Variants in KCNH7 observed in about 807,000 individuals in gnomAD.
The protein encoded by KCNH7 is voltage-gated inwardly rectifying potassium channel KCNH7.
A neutral mutation model predicts 120.8 loss-of-function variants in KCNH7; 49 were observed. The observed-to-expected ratio is 0.41, with a 90% CI of 0.32 to 0.51. The LOEUF (loss-of-function observed/expected upper bound fraction) is 0.51. KCNH7 is among the 20% of genes least tolerant of loss of function. The pLI is 0.38. For synonymous variants in KCNH7, 547 were observed against 516.1 expected (o/e 1.06, Z -0.81); for missense variants, 1,097 against 1,446.6 (o/e 0.76, Z 3.92).
chr2:162,660,408 G>C (rs574454528), intron 2 of KCNH7, among the ~76,000 whole-genome samples: 2 of 151,988 alleles, frequency 1.3e-5, no homozygotes, highest in African/African-American at 4.8e-5. Flanking sequence ...TCAAGTACTT[G>C]AGGATCTTTC....
intron 2 of KCNH7, among the ~76,000 whole-genome samples, chr2:162,748,975 C>CTTCCTTCA (rs1559114075): frequency 1.4e-5 from 2 of 138,304 alleles, no homozygotes; most frequent in East Asian, 5.3e-4. Flanking sequence ...TCCTTCCTTC[C>CTTCCTTCA]TTCCTTCCTT....
chr2:162,571,307 A>G lies in KCNH7; in HGVS notation c.308-34227T>C, dbSNP rs144282041. On this transcript the variant is annotated intron_variant, in intron 2 of 15. Coordinates refer to ENST00000332142, the MANE Select transcript of KCNH7 (RefSeq NM_033272.4). ...ACTCCCATTCACAATTGCTTCAAAG[A>G]GAATTAAATACCTGGGAATCCAACT... Among the ~76,000 whole-genome samples the G allele has an allele frequency of 5.7e-3, 863 of 152,300 alleles. 9 individuals carry two copies. Among genetic ancestry groups the G allele is most frequent in the African/African-American group, 0.02 (814 of 41,574 alleles).
intron 2 of KCNH7, among the ~76,000 whole-genome samples, chr2:162,818,141 T>A (rs1183476866): frequency 6.6e-6 from 1 of 151,982 alleles, no homozygotes; most frequent in Admixed American, 6.6e-5. Flanking sequence ...TATTTTTTAT[T>A]CTTATAGTTA....
intron 13 of KCNH7, among the ~76,000 whole-genome samples, chr2:162,382,609 G>A (rs1373164096): frequency 6.6e-6 from 1 of 152,030 alleles, no homozygotes; most frequent in Non-Finnish European, 1.5e-5. Context: ...TTTCATTTTA[G>A]TTTGGCCTAA....
At chr2:162,733,783 T>A (rs775483460) in intron 2 of KCNH7, among the ~76,000 whole-genome samples, 38 of 152,240 alleles carry the variant, frequency 2.5e-4, no homozygotes, top group Non-Finnish European at 5.3e-4. Flanking sequence ...AACCTGATTT[T>A]TTTTTAAGAA....
At chr2:162,681,531 G>A (rs1222967527) in intron 2 of KCNH7, among the ~76,000 whole-genome samples, 1 of 151,674 alleles carries the variant, frequency 6.6e-6, no homozygotes, top group African/African-American at 2.4e-5. Context: ...ATAGAAAAAT[G>A]TACAGACTTC....
intron 12 of KCNH7, among the ~76,000 whole-genome samples, chr2:162,389,546 C>T (rs780156410): frequency 1.3e-4 from 20 of 151,986 alleles, no homozygotes; most frequent in Middle Eastern, 3.4e-3. Flanking sequence ...TGATGAGGAA[C>T]GGGAGGCAGA....
chr2:162,542,159 CT>C lies in KCNH7; in HGVS notation c.308-5080del, dbSNP rs903749200. Among the ~76,000 whole-genome samples the C allele has an allele frequency of 5.2e-3, 743 of 141,770 alleles. 8 individuals carry two copies. Among genetic ancestry groups the C allele is most frequent in the African/African-American group, 0.016 (603 of 38,790 alleles). 93.0% of individuals were successfully genotyped at this position (141,770 alleles called of 152,430 possible). Reference sequence around the variant, plus strand: ...TTTAGAAAGACTATTCTATATCTCTCTTTTTTTTTTTACTATTTACTTAGGT... The same window carrying C: ...TTTAGAAAGACTATTCTATATCTCTCTTTTTTTTTTACTATTTACTTAGGT... On this transcript the variant is annotated intron_variant, in intron 2 of 15. Coordinates refer to ENST00000332142, the MANE Select transcript of KCNH7 (RefSeq NM_033272.4).
intron 2 of KCNH7, among the ~76,000 whole-genome samples, chr2:162,644,206 T>C (rs1684270783): frequency 6.6e-6 from 1 of 152,194 alleles, no homozygotes; most frequent in African/African-American, 2.4e-5. Flanking sequence ...ACCCACTCAG[T>C]ATCAACAAAT....
intron 3 of KCNH7, among the ~76,000 whole-genome samples, chr2:162,523,655 A>G (rs183800300): frequency 2.2e-4 from 34 of 151,882 alleles, no homozygotes; most frequent in Non-Finnish European, 3.7e-4. Flanking sequence ...AATTCTTCTA[A>G]CTTAAGACTA....
At chr2:162,706,200 C>T (rs921833221) in intron 2 of KCNH7, among the ~76,000 whole-genome samples, 2 of 152,076 alleles carry the variant, frequency 1.3e-5, no homozygotes, top group African/African-American at 2.4e-5. Flanking sequence ...ACCTTGGAGA[C>T]TTACTTAAAG....
At position 162,384,928 on chromosome 2, in the gene KCNH7, T is replaced by G; in HGVS notation, c.2722A>C (p.Asn908His). The G allele has an allele frequency of 6.3e-7, 1 of 1,598,480 alleles. No individual in the cohort carries two copies. ...ESEGEKENST[N>H]DPEDSADTIR... ...GTATCTGCAGAGTCTTCAGGATCAT[T>G]TGTACTGTTTTCTTTGCCAAAATAT... The change falls in exon 13 of 16, where the codon AAT becomes CAT. Residue 908 changes from asparagine to histidine, a missense_variant. By Grantham distance (68) the Asn-to-His change is moderately conservative (BLOSUM62 1). Around this residue, in one of 8 missense-constraint regions of KCNH7, gnomAD observed 406 missense variants for 410.5 expected, o/e 0.99. Coordinates refer to ENST00000332142, the MANE Select transcript of KCNH7 (RefSeq NM_033272.4).
chr2:162,833,686 T>C (rs1481639037), intron 2 of KCNH7, among the ~76,000 whole-genome samples: 3 of 152,098 alleles, frequency 2.0e-5, no homozygotes, highest in East Asian at 1.9e-4. Flanking sequence ...AGAAGCATAG[T>C]AGGAAGTGGT....
chr2:162,457,106 T>A (rs1178250510), intron 6 of KCNH7, among the ~76,000 whole-genome samples: 1 of 152,128 alleles, frequency 6.6e-6, no homozygotes. Flanking sequence ...ATCAAGACAG[T>A]GCTTTGGAGC....
intron 2 of KCNH7, among the ~76,000 whole-genome samples, chr2:162,595,817 C>T (rs1252515178): frequency 1.3e-5 from 2 of 150,784 alleles, no homozygotes; most frequent in Non-Finnish European, 3.0e-5. Context: ...TATAGAAAAC[C>T]CTAAATACTC....
At chr2:162,799,228 A>C (rs1265504687) in intron 2 of KCNH7, among the ~76,000 whole-genome samples, 1 of 152,006 alleles carries the variant, frequency 6.6e-6, no homozygotes, top group African/African-American at 2.4e-5. Context: ...CTGTGAAAAA[A>C]TTCAATGCCA....
At chr2:162,619,295 C>G (rs1300349262) in intron 2 of KCNH7, among the ~76,000 whole-genome samples, 1 of 151,942 alleles carries the variant, frequency 6.6e-6, no homozygotes, top group Non-Finnish European at 1.5e-5. Flanking sequence ...AGTACAAGAT[C>G]AGAAAATATC....
chr2:162,483,771 T>C (rs1472266005), intron 6 of KCNH7, among the ~76,000 whole-genome samples: 1 of 152,162 alleles, frequency 6.6e-6, no homozygotes, highest in East Asian at 1.9e-4. Flanking sequence ...TCCCAAAATA[T>C]CTTGTTCAAC....
intron 2 of KCNH7, among the ~76,000 whole-genome samples, chr2:162,715,096 CA>C (rs1395851770): frequency 3.9e-5 from 6 of 151,980 alleles, no homozygotes; most frequent in African/African-American, 1.5e-4. Context: ...TATATTAGGC[CA>C]TTGTGGATTA....
Sources: gnomAD v4.1 joint callset for allele counts (sites outside exome capture counted in the v4.1 genomes callset) on GRCh38, gnomAD v4.1.1 for gene constraint, gnomAD v4.1.1 regional missense constraint, MANE v1.5 for transcripts, NCBI Gene and HGNC (gene_info 2026-07-23, HGNC 2026-07-21) for gene names.